CFAP74: variants seen among roughly 807,000 people sequenced by gnomAD.
CFAP74 encodes the protein cilia- and flagella-associated protein 74.
A neutral mutation model predicts 188.9 loss-of-function variants in CFAP74; 124 were observed. The ratio of observed to expected loss-of-function variants is 0.66; its 90% CI spans 0.57 to 0.76. The LOEUF is 0.76. CFAP74 is among the 30% of genes least tolerant of loss of function. The pLI, the probability that CFAP74 is intolerant of heterozygous loss-of-function variation, is 0.00. For missense variants in CFAP74, 2,198 were observed against 2,165.2 expected (o/e 1.02, Z -0.30); for synonymous variants, 956 against 916.7 (o/e 1.04, Z -0.77).
intron 24 of CFAP74, among the ~76,000 whole-genome samples, chr1:1,939,328 GC>G (rs971805660): frequency 3.5e-4 from 53 of 152,368 alleles, no homozygotes; most frequent in African/African-American, 1.2e-3. Flanking sequence ...ACCTTGTGTG[GC>G]CCCAGCAGGG....
intron 18 of CFAP74, chr1:1,955,318 C>T (rs1380607580): frequency 7.8e-7 from 1 of 1,289,260 alleles, no homozygotes; most frequent in South Asian, 1.2e-5. Context: ...CCTCTCCCCG[C>T]TGGTGCGCGT....
chr1:1,982,244 G>A (rs1335750176), intron 6 of CFAP74, among the ~76,000 whole-genome samples: 2 of 110,914 alleles, frequency 1.8e-5, no homozygotes, highest in East Asian at 2.8e-4. Context: ...ACACCCAGCC[G>A]TGGTCACACG....
chr1:1,991,565 T>C (rs1657565988), intron 1 of CFAP74, among the ~76,000 whole-genome samples: 1 of 151,944 alleles, frequency 6.6e-6, no homozygotes, highest in African/African-American at 2.4e-5. Flanking sequence ...ATAGTGCCAC[T>C]GCACTCCAGC....
intron 22 of CFAP74, 37 bp downstream of exon 22, chr1:1,941,991 C>T (rs982939644): frequency 6.9e-6 from 10 of 1,447,896 alleles, no homozygotes; most frequent in East Asian, 2.6e-5. Context: ...CAACCTCCCA[C>T]GTCCTCCTGT....
At chr1:1,997,991 A>G (rs1345362999) in intron 1 of CFAP74, among the ~76,000 whole-genome samples, 1 of 152,192 alleles carries the variant, frequency 6.6e-6, no homozygotes, top group Non-Finnish European at 1.5e-5. Context: ...GAAATTATCA[A>G]TGTGGGCCGG....
rs1655916950 is a variant in CFAP74 at position 1,970,876 on chromosome 1, C to T, written c.889-60G>A. 57 of 1,589,920 alleles carry T rather than the reference C, an allele frequency of 3.6e-5. No individual in the cohort carries two copies. The South Asian group carries it at 5.2e-4, about 15-fold the overall frequency. ...GCACCCACGGGCACATGCACACGCT[C>T]ACACCTGCACATGTGCACACACAGG... On this transcript the variant is annotated intron_variant, in intron 9 of 38. Coordinates refer to ENST00000682832, the MANE Select transcript of CFAP74 (RefSeq NM_001304360.2).
At position 1,986,942 on chromosome 1, in the gene CFAP74, G is replaced by A. The variant is rs1558061138; in HGVS notation, c.390C>T (p.Gly130=). 2 of 1,600,878 alleles carry A rather than the reference G, an allele frequency of 1.2e-6. No homozygotes were observed. The highest frequency in any genetic ancestry group is 8.5e-7 in the Non-Finnish European group (1 of 1,179,302). Residue 130 remains glycine, a synonymous_variant, in exon 5 of 39, where the codon GGC becomes GGT. Transcript: ENST00000682832. ...CCCTGGCGAGGGCCACCTACATGTT[G>A]CCCGCCTCTTCCTCTGTGGCGATCT... ...AAEIATEEEA[G]NMAAVGRLQA...
chr1:1,974,310 G>A, intron 6 of CFAP74, 112 bp from the exon 7 acceptor site: 2 of 1,057,880 alleles, frequency 1.9e-6, no homozygotes, highest in Non-Finnish European at 1.3e-6. Context: ...CACCCCAGAT[G>A]GGTTAGCTCC....
Position 1,922,735 on chromosome 1 carries a change from G to A in CFAP74, c.4684-12C>T. ...CTGAACTCAACGGTCTGTGGGGTAT[G>A]GGGCTCCTGTAGGCTGGCGACCAGG... On this transcript the variant is annotated splice_polypyrimidine_tract_variant and intron_variant, in intron 37 of 38. Coordinates refer to ENST00000682832, the MANE Select transcript of CFAP74 (RefSeq NM_001304360.2). 1 of 1,602,076 alleles carries A rather than the reference G, an allele frequency of 6.2e-7. No homozygotes were observed. Among genetic ancestry groups the A allele is most frequent in the Non-Finnish European group, 8.5e-7 (1 of 1,174,852 alleles).
intron 26 of CFAP74, 103 bp from the exon 27 acceptor site, chr1:1,928,985 G>T: frequency 1.4e-6 from 1 of 702,876 alleles, no homozygotes; most frequent in African/African-American, 1.8e-5. Flanking sequence ...TCCCCTCAAG[G>T]TCACCTCCCC....
intron 16 of CFAP74, among the ~76,000 whole-genome samples, chr1:1,957,436 G>A (rs2102062904): frequency 6.6e-6 from 1 of 152,330 alleles, no homozygotes; most frequent in Middle Eastern, 3.4e-3. Context: ...AGCCAAGGGA[G>A]GCCGCCTCCT....
At position 1,968,735 on chromosome 1, in the gene CFAP74, G is replaced by T. The variant is rs1655659431; in HGVS notation, c.1145C>A (p.Pro382His). 6.2e-7 allele frequency: 1 copy of T among 1,614,050 alleles called. No homozygotes were observed. Residue 382 changes from proline (P) to histidine (H), a missense_variant, in exon 11 of 39, where the codon CCC (proline) becomes CAC (histidine). Coordinates refer to ENST00000682832, the MANE Select transcript of CFAP74 (RefSeq NM_001304360.2). This position sits in a 1 kb window ranked among gnomAD's most constrained non-coding sequence, Gnocchi z 4.3. ...EEEKRKKQHP[P>H]TSARHRLTLR... ...GGTCAGCCGGTGCCTGGCACTGGTG[G>T]GGGGATGCTGTTTCTTCCTCTTTTC...
At chr1:1,938,750 C>G in intron 25 of CFAP74, 105 bp downstream of exon 25, 1 of 1,339,558 alleles carries the variant, frequency 7.5e-7, no homozygotes, top group Non-Finnish European at 1.0e-6. Flanking sequence ...TGTGGTCAGC[C>G]AGGCAGATGG....
In CFAP74 at chr1:1,923,040, G is replaced by C; in HGVS notation, c.4628C>G (p.Ala1543Gly). 2 of 1,606,622 alleles carry C rather than the reference G, an allele frequency of 1.2e-6. No homozygotes were observed. The highest frequency in any genetic ancestry group is 1.7e-6 in the Non-Finnish European group (2 of 1,178,112). The change falls in exon 37 of 39, where the codon GCC becomes GGC. Residue 1543 changes from alanine to glycine, a missense_variant. By Grantham distance (60) the Ala-to-Gly change is moderately conservative. Transcript: ENST00000682832. The surrounding 1 kb of genome is among the most constrained non-coding windows in gnomAD (Gnocchi z 6.3). ...ACAGCCCACCTGCAGCTCTCGGGTG[G>C]CAGGTGGGGCTGGCGTGTCTGTGTC... ...QFDTDTPAPP[A>G]TRELQVGCIR...
rs1656383693 is a variant in CFAP74 at position 1,975,542 on chromosome 1, T to C, written c.501-1344A>G. Among the ~76,000 whole-genome samples, 1 of 152,176 alleles carries C rather than the reference T, an allele frequency of 6.6e-6. No homozygotes were observed. Among genetic ancestry groups the C allele is most frequent in the Non-Finnish European group, 1.5e-5 (1 of 68,036 alleles). On this transcript the variant is annotated intron_variant, in intron 6 of 38. Transcript: ENST00000682832. The surrounding 1 kb of genome is among the most constrained non-coding windows in gnomAD (Gnocchi z 4.5). ...GGTTTTGGCATCGAGGTTGTGTCAC[T>C]GCATTTTAGAAACTGGGCATACCAT...
In CFAP74 at chr1:1,994,063, G is replaced by A. The variant is rs1164627410; in HGVS notation, c.-19-3088C>T. ...ACCTGTAGTCCCACCTATTCAGGAG[G>A]CTGCGGTGGGAGGATCACTTGAGCC... On this transcript the variant is annotated intron_variant, in intron 1 of 38. Transcript: ENST00000682832. Among the ~76,000 whole-genome samples, 7 of 151,986 alleles carry A rather than the reference G, an allele frequency of 4.6e-5. No individual in the cohort carries two copies. The East Asian group carries it at 1.4e-3, about 29-fold the overall frequency.
In CFAP74 at chr1:1,970,872, C is replaced by T. The variant is rs77152626; in HGVS notation, c.889-56G>A. On this transcript the variant is annotated intron_variant, in intron 9 of 38. Coordinates refer to ENST00000682832, the MANE Select transcript of CFAP74 (RefSeq NM_001304360.2). ...AGCAGCACCCACGGGCACATGCACA[C>T]GCTCACACCTGCACATGTGCACACA... The T allele has an allele frequency of 5.7e-3, 9,029 of 1,591,848 alleles. 248 individuals are homozygous for T. In the East Asian group the frequency reaches 0.079, roughly 14 times the overall value.
intron 22 of CFAP74, 121 bp downstream of exon 22, chr1:1,941,907 T>A (rs1475862923): frequency 1.8e-6 from 2 of 1,105,588 alleles, no homozygotes; most frequent in Non-Finnish European, 2.4e-6. Context: ...CCAGAACACA[T>A]CCCTGGAGGC....
In CFAP74 at chr1:1,922,279, G is replaced by A; in HGVS notation, c.*8C>T. On this transcript the variant is annotated 3_prime_UTR_variant, in exon 39 of 39. Coordinates refer to ENST00000682832, the MANE Select transcript of CFAP74 (RefSeq NM_001304360.2). ...ACAGGAGGGCCCGAGGGTGCTCTGT[G>A]CAGAGGCTTAGGGGCCAGTCAACAC... is the stretch of plus-strand genomic sequence containing the variant. 1 of 1,606,242 alleles carries A rather than the reference G, an allele frequency of 6.2e-7. No homozygotes were observed. The highest frequency in any genetic ancestry group is 8.5e-7 in the Non-Finnish European group (1 of 1,175,698).
Sources: gnomAD v4.1 joint callset for allele counts (sites outside exome capture counted in the v4.1 genomes callset) on GRCh38, gnomAD v4.1.1 for gene constraint, Gnocchi (gnomAD v3.1) non-coding constraint, MANE v1.5 for transcripts, NCBI Gene and HGNC (gene_info 2026-07-23, HGNC 2026-07-21) for gene names.